Variants in SIMC1 observed in about 807,000 individuals in gnomAD.
SIMC1 encodes the protein SUMO interacting motifs containing 1.
Under a neutral mutation model 82.3 loss-of-function variants are expected in SIMC1, and 55 were observed. The observed-to-expected ratio is 0.67, with a 90% CI of 0.54 to 0.84. The LOEUF is 0.84. Ranked by LOEUF, SIMC1 falls within the 40% of genes least tolerant of loss-of-function variation. The pLI, the probability that SIMC1 is intolerant of heterozygous loss-of-function variation, is 0.00. For synonymous variants in SIMC1, 353 were observed against 426.3 expected (o/e 0.83, Z 2.12); for missense variants, 915 against 1,107.2 (o/e 0.83, Z 2.46).
At position 176,290,220 on chromosome 5, in the gene SIMC1, C is replaced by G; in HGVS notation, c.696C>G (p.Ala232=). 1 of 1,613,126 alleles carries G rather than the reference C, an allele frequency of 6.2e-7. No individual in the cohort carries two copies. Among genetic ancestry groups the G allele is most frequent in the Non-Finnish European group, 8.5e-7 (1 of 1,179,536 alleles). The change falls in exon 2 of 10, where the codon GCC becomes GCG. Residue 232 remains alanine (A), a synonymous_variant. Coordinates refer to ENST00000429602, the MANE Select transcript of SIMC1 (RefSeq NM_001308195.2). ...PLRPLPCPPR[A]SPCPPRASSC... is the part of the protein sequence containing the mutation. ...GACCTTTGCCATGCCCACCGAGAGC[C>G]TCACCATGTCCACCACGAGCCTCCT...
At chr5:176,308,027 A>G (rs1764501248) in intron 4 of SIMC1, 4 of 673,050 alleles carry the variant, frequency 5.9e-6, no homozygotes, top group South Asian at 1.6e-5. Flanking sequence ...AAAATGAAAT[A>G]CTATTTAGTA....
At chr5:176,244,446 G>C (rs1761366098) in intron 1 of SIMC1, among the ~76,000 whole-genome samples, 3 of 149,338 alleles carry the variant, frequency 2.0e-5, no homozygotes, top group Non-Finnish European at 4.4e-5. Flanking sequence ...TTAGCGCATA[G>C]GTTATAGTGA....
chr5:176,316,845 G>C (rs1764934044), intron 5 of SIMC1, among the ~76,000 whole-genome samples: 1 of 152,122 alleles, frequency 6.6e-6, no homozygotes, highest in African/African-American at 2.4e-5. Flanking sequence ...AAAACAGCCA[G>C]GCATGGTGGT....
At chr5:176,241,956 G>A (rs946842688) in intron 1 of SIMC1, among the ~76,000 whole-genome samples, 1 of 152,030 alleles carries the variant, frequency 6.6e-6, no homozygotes, top group Non-Finnish European at 1.5e-5. Context: ...TCTGTTTCTT[G>A]AGAGCACATC....
intron 4 of SIMC1, among the ~76,000 whole-genome samples, chr5:176,297,466 C>T (rs1425002744): frequency 7.3e-6 from 1 of 137,556 alleles, no homozygotes; most frequent in Non-Finnish European, 1.5e-5. Context: ...CATGCCATTG[C>T]ACTCTAGTCT....
At chr5:176,252,144 C>T (rs1206403294) in intron 1 of SIMC1, among the ~76,000 whole-genome samples, 6 of 152,092 alleles carry the variant, frequency 3.9e-5, no homozygotes, top group African/African-American at 1.2e-4. Flanking sequence ...CTCCTCACTT[C>T]CCAGTAGGGA....
chr5:176,290,165 G>A lies in SIMC1; in HGVS notation c.641G>A (p.Arg214His), dbSNP rs572459643. ...CCATGCCCACAGCAAGATGTATCTC[G>A]CCCACCACAGGCCTTGCCGTGCCCC... ...PLPCPQQDVS[R>H]PPQALPCPLR... Residue 214 changes from arginine to histidine, a missense_variant, in exon 2 of 10, where the codon CGC becomes CAC. This residue lies in a region of SIMC1 where 902 missense variants were observed against 1,040.3 expected (regional missense o/e 0.87). Transcript: ENST00000429602. The A allele has an allele frequency of 7.6e-5, 123 of 1,610,358 alleles. 1 individual carries two copies. In the South Asian group the frequency reaches 1.1e-3, roughly 15 times the overall value.
intron 1 of SIMC1, among the ~76,000 whole-genome samples, chr5:176,272,596 G>A (rs759069933): frequency 4.9e-4 from 75 of 152,178 alleles, no homozygotes; most frequent in Non-Finnish European, 8.8e-4. Flanking sequence ...GTGCACGACA[G>A]TGGGTGCAGC....
At position 176,345,462 on chromosome 5, in the gene SIMC1, G is replaced by C. The variant is rs770413767; in HGVS notation, c.*17G>C. The stretch of plus-strand genomic sequence containing the variant: ...GGCTCCTGAGGGCCTGCCAAGCACT[G>C]AATGCCAAGAATACCTCCTGAACTC... On this transcript the variant is annotated 3_prime_UTR_variant, in exon 10 of 10. Transcript: ENST00000429602. The C allele has an allele frequency of 6.3e-7, 1 of 1,599,644 alleles. No homozygotes were observed. The highest frequency in any genetic ancestry group is 2.2e-5 in the East Asian group (1 of 44,680).
At chr5:176,339,086 A>G in intron 9 of SIMC1, among the ~76,000 whole-genome samples, 1 of 152,194 alleles carries the variant, frequency 6.6e-6, no homozygotes, top group East Asian at 1.9e-4. Flanking sequence ...ATTGTCGGCC[A>G]GGCATGGTGG....
At chr5:176,326,383 T>G (rs946067948) in intron 7 of SIMC1, among the ~76,000 whole-genome samples, 4 of 148,248 alleles carry the variant, frequency 2.7e-5, no homozygotes, top group South Asian at 2.1e-4. Context: ...TTGTTTTCTG[T>G]TTTTTTTTTC....
chr5:176,285,298 T>A (rs1184104808), intron 1 of SIMC1, among the ~76,000 whole-genome samples: 2 of 152,292 alleles, frequency 1.3e-5, no homozygotes. Context: ...CATGATCAAG[T>A]GGGCTTCATC....
At chr5:176,312,127 T>C (rs1230500430) in intron 4 of SIMC1, among the ~76,000 whole-genome samples, 1 of 152,230 alleles carries the variant, frequency 6.6e-6, no homozygotes, top group East Asian at 1.9e-4. Flanking sequence ...AGCCTATTTC[T>C]TTAGAGATGT....
At chr5:176,341,748 T>C (rs12108763) in intron 9 of SIMC1, among the ~76,000 whole-genome samples, 9,183 of 148,942 alleles carry the variant, frequency 0.062, 367 homozygotes, top group African/African-American at 0.12. Context: ...GAGATTCCTA[T>C]AGTGATGATG....
chr5:176,313,209 G>T (rs1350358462), intron 4 of SIMC1: 1 of 1,131,082 alleles, frequency 8.8e-7, no homozygotes, highest in African/African-American at 1.6e-5. Context: ...CATCATGGCG[G>T]TTTGATCTAG....
At chr5:176,282,630 A>AAGGAATGC (rs1401155628) in intron 1 of SIMC1, among the ~76,000 whole-genome samples, 1 of 152,186 alleles carries the variant, frequency 6.6e-6, no homozygotes, top group Non-Finnish European at 1.5e-5. Context: ...TTCTCCTCCA[A>AAGGAATGC]AGGAATGCAG....
At chr5:176,304,908 C>A (rs1764228819) in intron 4 of SIMC1, among the ~76,000 whole-genome samples, 1 of 142,950 alleles carries the variant, frequency 7.0e-6, no homozygotes, top group Non-Finnish European at 1.5e-5. Flanking sequence ...AGCGTCTCTG[C>A]CCGGCCGCCC....
intron 4 of SIMC1, among the ~76,000 whole-genome samples, chr5:176,300,592 G>C (rs1362227531): frequency 6.6e-6 from 1 of 151,648 alleles, no homozygotes; most frequent in Non-Finnish European, 1.5e-5. Flanking sequence ...AGAGTACTAG[G>C]ATTACAGACA....
intron 4 of SIMC1, among the ~76,000 whole-genome samples, chr5:176,310,057 T>C (rs957309182): frequency 2.0e-5 from 3 of 152,202 alleles, no homozygotes; most frequent in Non-Finnish European, 4.4e-5. Context: ...TATGAAAAGC[T>C]GTTAAACTCC....
Sources: allele counts gnomAD v4.1 joint callset (sites outside exome capture counted in the v4.1 genomes callset), GRCh38; gene constraint gnomAD v4.1.1; regional missense constraint gnomAD v4.1.1; transcripts MANE v1.5; gene names NCBI Gene and HGNC (gene_info 2026-07-23, HGNC 2026-07-21).